Variants in GTF2F2 observed in about 807,000 individuals in gnomAD.
GTF2F2 encodes general transcription factor IIF subunit 2, also known as ATP-dependent helicase GTF2F2.
GTF2F2 carries 23 observed loss-of-function variants against 42.2 expected under a neutral mutation model. That is an observed-to-expected ratio of 0.55 (90% CI 0.39 to 0.77). The LOEUF (loss-of-function observed/expected upper bound fraction) is 0.77, where lower values mean the gene tolerates loss of function less well. Among genes scored for constraint, GTF2F2 ranks in the 30% least tolerant of loss-of-function variants. GTF2F2 has a pLI of 0.00. For synonymous variants in GTF2F2, 105 were observed against 100.8 expected (o/e 1.04, Z -0.25); for missense variants, 261 against 287.2 (o/e 0.91, Z 0.66).
chr13:45,123,892 G>A, intron 1 of GTF2F2: 1 of 330,036 alleles, frequency 3.0e-6, no homozygotes, highest in Non-Finnish European at 5.7e-6. Context: ...GGTCTGCATG[G>A]AAGCTGTGAG....
chr13:45,222,159 A>C (rs1457764305), intron 5 of GTF2F2, among the ~76,000 whole-genome samples: 1 of 152,170 alleles, frequency 6.6e-6, no homozygotes, highest in Non-Finnish European at 1.5e-5. Context: ...CATACTGACT[A>C]TATCTCCACC....
chr13:45,221,098 C>T (rs1874093969), intron 5 of GTF2F2, among the ~76,000 whole-genome samples: 1 of 152,068 alleles, frequency 6.6e-6, no homozygotes. Context: ...TGGATGTCTC[C>T]TTCGTGTTTT....
At chr13:45,165,159 GAAAT>G (rs1871217245) in intron 4 of GTF2F2, among the ~76,000 whole-genome samples, 1 of 150,558 alleles carries the variant, frequency 6.6e-6, no homozygotes, top group African/African-American at 2.4e-5. Flanking sequence ...GCAACATTAA[GAAAT>G]AAAGAGAAAT....
At chr13:45,281,856 T>G (rs1418608957) in intron 7 of GTF2F2, among the ~76,000 whole-genome samples, 1 of 152,222 alleles carries the variant, frequency 6.6e-6, no homozygotes, top group Non-Finnish European at 1.5e-5. Context: ...GCACACAAAT[T>G]ATTGTTGGAT....
At chr13:45,129,269 C>A (rs1869210743) in intron 1 of GTF2F2, among the ~76,000 whole-genome samples, 1 of 152,204 alleles carries the variant, frequency 6.6e-6, no homozygotes, top group South Asian at 2.1e-4. Context: ...AGTGCAGTGG[C>A]ACGATCATGG....
chr13:45,137,463 A>G lies in GTF2F2; in HGVS notation c.140+657A>G, dbSNP rs542292131. 8.4e-4 allele frequency among the ~76,000 whole-genome samples: 128 copies of G among 152,186 alleles called. 1 individual carries two copies. Among genetic ancestry groups the G allele is most frequent in the Non-Finnish European group, 1.5e-3 (101 of 68,038 alleles). ...ATCAATTAGCTTTTGCTTCATAACA[A>G]ACCATCCCAAAACTTAGTGGCTTAG... On this transcript the variant is annotated intron_variant, in intron 2 of 7. Coordinates refer to ENST00000340473, the MANE Select transcript of GTF2F2 (RefSeq NM_004128.3).
chr13:45,219,344 G>A (rs1203329263), intron 5 of GTF2F2: 1 of 152,182 alleles, frequency 6.6e-6, no homozygotes, highest in Non-Finnish European at 1.5e-5. Context: ...TCAAAAGGTT[G>A]CCTGGCTTAT....
At chr13:45,140,313 T>C (rs1294317491) in intron 2 of GTF2F2, among the ~76,000 whole-genome samples, 1 of 152,184 alleles carries the variant, frequency 6.6e-6, no homozygotes, top group African/African-American at 2.4e-5. Context: ...CACTCAGATA[T>C]AGGGGGCCAA....
chr13:45,131,925 AG>A (rs1289838631), intron 1 of GTF2F2, among the ~76,000 whole-genome samples: 53 of 143,702 alleles, frequency 3.7e-4, no homozygotes, highest in African/African-American at 1.3e-3. Context: ...AAAAAAAGAG[AG>A]AGAGAGAAAA....
At chr13:45,280,661 A>G (rs1288171935) in intron 7 of GTF2F2, among the ~76,000 whole-genome samples, 2 of 152,212 alleles carry the variant, frequency 1.3e-5, no homozygotes, top group African/African-American at 2.4e-5. Flanking sequence ...AAAGAATTCC[A>G]TATGTTCTAC....
chr13:45,279,737 C>T (rs1317414760), intron 7 of GTF2F2, among the ~76,000 whole-genome samples: 2 of 152,150 alleles, frequency 1.3e-5, no homozygotes, highest in African/African-American at 2.4e-5. Context: ...GAAACTCCGT[C>T]TCTCCTAAAA....
rs376474669 is a variant in GTF2F2, at chr13:45,207,404, C to CTT, written c.305-11_305-10dup. ...AAATGATAAGTATTATCTCTGAATC[C>CTT]TTTTTTTTTTCCATTCAAGATAAGC... On this transcript the variant is annotated intron_variant, in intron 4 of 7. Coordinates refer to ENST00000340473, the MANE Select transcript of GTF2F2 (RefSeq NM_004128.3). 2.7e-5 allele frequency: 35 copies of CTT among 1,283,668 alleles called. No individual in the cohort carries two copies. The highest frequency in any genetic ancestry group is 3.0e-5 in the African/African-American group (2 of 66,698). 79.5% of individuals were successfully genotyped at this position (1,283,668 alleles called of 1,614,324 possible). A position where few individuals can be genotyped will look rare whatever the true frequency, so the allele number is the denominator to read the frequency against.
At chr13:45,253,823 C>G (rs1223636593) in intron 6 of GTF2F2, among the ~76,000 whole-genome samples, 1 of 152,174 alleles carries the variant, frequency 6.6e-6, no homozygotes, top group Non-Finnish European at 1.5e-5. Flanking sequence ...CGCCTGTAAT[C>G]CCAGCACTTT....
chr13:45,236,276 CA>C (rs1874975266), intron 5 of GTF2F2, among the ~76,000 whole-genome samples: 1 of 152,030 alleles, frequency 6.6e-6, no homozygotes, highest in Admixed American at 6.6e-5. Context: ...GGCAAGGAAC[CA>C]AAAGGCAGGA....
At chr13:45,168,429 T>C (rs1566121174) in intron 4 of GTF2F2, among the ~76,000 whole-genome samples, 1 of 152,228 alleles carries the variant, frequency 6.6e-6, no homozygotes, top group African/African-American at 2.4e-5. Flanking sequence ...CAGGAGTTGT[T>C]AGTTGATAAA....
intron 5 of GTF2F2, among the ~76,000 whole-genome samples, chr13:45,228,489 T>G (rs531723959): frequency 1.1e-4 from 17 of 150,130 alleles, no homozygotes; most frequent in Non-Finnish European, 2.2e-4. Flanking sequence ...CAGACTTAGA[T>G]TAGGCCCCCA....
chr13:45,130,381 C>T (rs113321536), intron 1 of GTF2F2, among the ~76,000 whole-genome samples: 1 of 152,124 alleles, frequency 6.6e-6, no homozygotes, highest in African/African-American at 2.4e-5. Flanking sequence ...ACATAGTAAG[C>T]ACTATGTAGA....
chr13:45,222,310 A>G (rs1593499594), intron 5 of GTF2F2, among the ~76,000 whole-genome samples: 1 of 152,308 alleles, frequency 6.6e-6, no homozygotes, highest in Non-Finnish European at 1.5e-5. Context: ...CAAAAGGAAT[A>G]CATACAATAC....
intron 5 of GTF2F2, among the ~76,000 whole-genome samples, chr13:45,232,565 G>C (rs1252458276): frequency 6.6e-6 from 1 of 152,096 alleles, no homozygotes; most frequent in Admixed American, 6.6e-5. Flanking sequence ...AGTCCAGGAG[G>C]TTGAGGCTAC....
Sources: allele counts gnomAD v4.1 joint callset (sites outside exome capture counted in the v4.1 genomes callset), GRCh38; gene constraint gnomAD v4.1.1; transcripts MANE v1.5; gene names NCBI Gene and HGNC (gene_info 2026-07-23, HGNC 2026-07-21).